Variants in EYS observed in about 807,000 individuals in gnomAD.
EYS encodes the protein EGF-like photoreceptor maintenance factor.
In EYS, 250 loss-of-function variants were observed where a neutral mutation model predicts 282.1. The observed-to-expected ratio is 0.89, with a 90% CI of 0.80 to 0.98. The LOEUF (loss-of-function observed/expected upper bound fraction) is 0.98, where lower values mean the gene tolerates loss of function less well. Ranked by LOEUF, EYS falls within the 50% of genes least tolerant of loss-of-function variation. The probability of loss-of-function intolerance (pLI) is 0.00; values close to 1 mark genes in which losing one functional copy is unlikely to be tolerated. For missense variants in EYS, 4,016 were observed against 3,709.0 expected (o/e 1.08, Z -2.15); for synonymous variants, 1,355 against 1,282.9 (o/e 1.06, Z -1.20).
intron 12 of EYS, among the ~76,000 whole-genome samples, chr6:65,263,518 ATTAAAAGTCAGTT>A (rs1232369169): frequency 6.6e-6 from 1 of 152,128 alleles, no homozygotes; most frequent in Non-Finnish European, 1.5e-5. Context: ...AAAACTAAAA[ATTAAAAGTCAGTT>A]TTAAAACAGG....
Position 65,100,182 on chromosome 6 carries a change from A to T in EYS, c.2024-42455T>A, listed in dbSNP as rs1440660004. Reference sequence around the variant, plus strand: ...TTCACGATTACCAGATATGATGCAAATAATATTATAACAGCATTCTGAAAA... The same window carrying T: ...TTCACGATTACCAGATATGATGCAATTAATATTATAACAGCATTCTGAAAA... On this transcript the variant is annotated intron_variant, in intron 12 of 42. Transcript: ENST00000503581. Among the ~76,000 whole-genome samples the T allele has an allele frequency of 2.7e-5, 4 of 150,866 alleles. 1 individual carries two copies. The Admixed American group carries it at 2.7e-4, about 10-fold the overall frequency.
chr6:65,556,387 T>TTTTGTGTGTGTGTG (rs771022512), intron 2 of EYS, among the ~76,000 whole-genome samples: 4 of 148,820 alleles, frequency 2.7e-5, no homozygotes, highest in Non-Finnish European at 4.5e-5. Flanking sequence ...ACTGCTGGGT[T>TTTTGTGTGTGTGTG]TGTGTGTGTG....
intron 8 of EYS, among the ~76,000 whole-genome samples, chr6:65,369,317 TATATATATATA>T (rs1227953137): frequency 3.0e-5 from 1 of 33,318 alleles, no homozygotes; most frequent in African/African-American, 6.1e-5. Context: ...ATATATATAT[TATATATATATA>T]TTTATATATA....
intron 2 of EYS, among the ~76,000 whole-genome samples, chr6:65,632,088 C>G (rs1394276877): frequency 6.6e-6 from 1 of 151,978 alleles, no homozygotes; most frequent in Non-Finnish European, 1.5e-5. Flanking sequence ...GCCACAGAGC[C>G]TAACACTTAA....
intron 31 of EYS, among the ~76,000 whole-genome samples, chr6:64,136,733 C>A (rs1774172710): frequency 6.6e-6 from 1 of 151,992 alleles, no homozygotes; most frequent in Admixed American, 6.6e-5. Context: ...TTAAAATAGT[C>A]ATTAAAGCAT....
At chr6:64,009,270 G>T (rs1341800400) in intron 33 of EYS, among the ~76,000 whole-genome samples, 1 of 149,862 alleles carries the variant, frequency 6.7e-6, no homozygotes, top group Non-Finnish European at 1.5e-5. Flanking sequence ...GTTAATTTGT[G>T]TTAGGAAATT....
intron 26 of EYS, among the ~76,000 whole-genome samples, chr6:64,565,726 T>A (rs985974093): frequency 6.6e-6 from 1 of 152,100 alleles, no homozygotes; most frequent in African/African-American, 2.4e-5. Flanking sequence ...CTGTATTGTA[T>A]ACTTGAAATT....
At chr6:65,200,644 C>A (rs1765877941) in intron 12 of EYS, among the ~76,000 whole-genome samples, 1 of 151,530 alleles carries the variant, frequency 6.6e-6, no homozygotes, top group Non-Finnish European at 1.5e-5. Flanking sequence ...TGTGTATATA[C>A]CATGACCCAT....
intron 35 of EYS, among the ~76,000 whole-genome samples, chr6:63,957,306 A>T (rs1050530113): frequency 7.1e-6 from 1 of 140,828 alleles, no homozygotes; most frequent in African/African-American, 2.4e-5. Flanking sequence ...TTTATGTGCA[A>T]GAGCTGGAAC....
intron 1 of EYS, among the ~76,000 whole-genome samples, chr6:65,699,509 T>G (rs1769577632): frequency 1.3e-5 from 2 of 151,922 alleles, no homozygotes; most frequent in African/African-American, 4.8e-5. Flanking sequence ...CCAACAGATG[T>G]AAGTAGTAGT....
chr6:64,569,175 TGG>T (rs1380503810), intron 26 of EYS, among the ~76,000 whole-genome samples: 1 of 151,704 alleles, frequency 6.6e-6, no homozygotes, highest in Non-Finnish European at 1.5e-5. Context: ...CTTCGGAAGG[TGG>T]GTAATAACAA....
At chr6:63,976,526 A>C (rs1238109505) in intron 35 of EYS, among the ~76,000 whole-genome samples, 1 of 152,056 alleles carries the variant, frequency 6.6e-6, no homozygotes, top group Non-Finnish European at 1.5e-5. Context: ...AGAAAACATC[A>C]CAAAATTACA....
At chr6:65,566,628 T>TA (rs1476362143) in intron 2 of EYS, among the ~76,000 whole-genome samples, 3 of 152,168 alleles carry the variant, frequency 2.0e-5, no homozygotes, top group East Asian at 3.9e-4. Flanking sequence ...TAACAAAAGT[T>TA]AAAAAACAAA....
chr6:64,311,154 T>G (rs139087626), intron 29 of EYS, among the ~76,000 whole-genome samples: 1 of 152,302 alleles, frequency 6.6e-6, no homozygotes, highest in African/African-American at 2.4e-5. Flanking sequence ...TACTAAACTC[T>G]AAAGCACATG....
At chr6:63,801,179 G>A (rs530863063) in intron 37 of EYS, among the ~76,000 whole-genome samples, 46 of 152,130 alleles carry the variant, frequency 3.0e-4, no homozygotes, top group African/African-American at 1.0e-3. Context: ...TAGAGGGGAA[G>A]AAGGACATGA....
chr6:64,458,457 T>C (rs1162840979), intron 26 of EYS, among the ~76,000 whole-genome samples: 1 of 152,064 alleles, frequency 6.6e-6, no homozygotes, highest in Non-Finnish European at 1.5e-5. Context: ...TCTTGGTTAA[T>C]AATTTGTTTT....
At chr6:65,133,182 C>T (rs1206842948) in intron 12 of EYS, among the ~76,000 whole-genome samples, 4 of 151,952 alleles carry the variant, frequency 2.6e-5, no homozygotes, top group Non-Finnish European at 5.9e-5. Flanking sequence ...CTACCAATGA[C>T]ATTCTTCACA....
intron 19 of EYS, among the ~76,000 whole-genome samples, chr6:64,876,787 G>C (rs1177948731): frequency 6.6e-6 from 1 of 152,112 alleles, no homozygotes; most frequent in African/African-American, 2.4e-5. Context: ...CACCCAGATA[G>C]AATAGCAGAG....
At chr6:64,584,494 CA>C (rs1446759538) in intron 26 of EYS, among the ~76,000 whole-genome samples, 3 of 151,300 alleles carry the variant, frequency 2.0e-5, no homozygotes, top group South Asian at 2.1e-4. Flanking sequence ...AATAATCCTC[CA>C]GAAAGATGGT....
Sources: allele counts gnomAD v4.1 joint callset (sites outside exome capture counted in the v4.1 genomes callset), GRCh38; gene constraint gnomAD v4.1.1; transcripts MANE v1.5; gene names NCBI Gene and HGNC (gene_info 2026-07-23, HGNC 2026-07-21).